The following TMC2 variants were observed in gnomAD, a reference collection of about 807,000 sequenced individuals.
The protein encoded by TMC2 is transmembrane channel-like protein 2.
A neutral mutation model predicts 105.9 loss-of-function variants in TMC2; 102 were observed. That is an observed-to-expected ratio of 0.96 (90% confidence interval 0.82 to 1.14). The LOEUF is 1.14. Among genes scored for constraint, TMC2 ranks in the 50% most tolerant of loss-of-function variants. The pLI is 0.00. For missense variants in TMC2, 1,093 were observed against 1,134.3 expected (o/e 0.96, Z 0.52); for synonymous variants, 402 against 422.8 (o/e 0.95, Z 0.60).
chr20:2,613,544 C>T (rs10485601), intron 14 of TMC2: 83,234 of 551,424 alleles, frequency 0.15, 7,061 homozygotes, highest in Middle Eastern at 0.23. Flanking sequence ...ATGTGACCTT[C>T]TATTCTAGGA....
intron 18 of TMC2, among the ~76,000 whole-genome samples, chr20:2,636,459 TACACACACACACAC>T (rs3051763): frequency 2.9e-4 from 42 of 143,524 alleles, no homozygotes; most frequent in Admixed American, 6.3e-4. Flanking sequence ...GACTGCTGTC[TACACACACACACAC>T]ACACACACAC....
chr20:2,575,351 A>G (rs774523676), intron 5 of TMC2, among the ~76,000 whole-genome samples: 5 of 152,156 alleles, frequency 3.3e-5, no homozygotes, highest in Non-Finnish European at 7.3e-5. Context: ...TTTACTACAC[A>G]TTTTTCAAAC....
intron 2 of TMC2, among the ~76,000 whole-genome samples, chr20:2,540,944 C>G (rs1249803131): frequency 2.6e-5 from 4 of 152,124 alleles, no homozygotes; most frequent in African/African-American, 9.7e-5. Flanking sequence ...CTCCTCCTGC[C>G]TCCCACACCA....
At chr20:2,542,393 A>T (rs1430220309) in intron 2 of TMC2, among the ~76,000 whole-genome samples, 1 of 152,192 alleles carries the variant, frequency 6.6e-6, no homozygotes, top group East Asian at 1.9e-4. Flanking sequence ...TTAAGCAGGT[A>T]AGAGTCTTCT....
intron 4 of TMC2, among the ~76,000 whole-genome samples, chr20:2,570,736 T>C (rs895091831): frequency 2.6e-5 from 4 of 152,012 alleles, no homozygotes; most frequent in African/African-American, 9.7e-5. Flanking sequence ...ATCACATTAC[T>C]CAACTTCAAA....
chr20:2,641,646 G>T lies in TMC2; in HGVS notation c.*295G>T. ...CTCACAGTGGTCGACCTTGCCTCCC[G>T]ATTTTCGGAGTTGGGGAAGGGCCAT... On this transcript the variant is annotated 3_prime_UTR_variant, in exon 20 of 20. Coordinates refer to ENST00000358864, the MANE Select transcript of TMC2 (RefSeq NM_080751.3). The T allele has an allele frequency of 1.2e-5, 4 of 325,542 alleles. No individual in the cohort carries two copies. In the South Asian group the frequency reaches 1.7e-4, roughly 14 times the overall value. 20.2% of individuals were successfully genotyped at this position (325,542 alleles called of 1,614,324 possible).
At chr20:2,638,658 C>G (rs749313548) in intron 19 of TMC2, among the ~76,000 whole-genome samples, 2 of 152,058 alleles carry the variant, frequency 1.3e-5, no homozygotes, top group Admixed American at 1.3e-4. Flanking sequence ...TATTGATGAT[C>G]CCAACCCTTT....
At chr20:2,595,106 T>C in intron 9 of TMC2, 139 bp downstream of exon 9, 1 of 978,992 alleles carries the variant, frequency 1.0e-6, no homozygotes, top group East Asian at 2.4e-5. Flanking sequence ...ATGCACATTA[T>C]AATTTGTGGT....
intron 17 of TMC2, among the ~76,000 whole-genome samples, chr20:2,625,253 A>T (rs2086555929): frequency 6.6e-6 from 1 of 152,224 alleles, no homozygotes; most frequent in Admixed American, 6.5e-5. Flanking sequence ...CATACAAATG[A>T]GTACAGACAA....
At chr20:2,639,398 T>A (rs2086672418) in intron 19 of TMC2, among the ~76,000 whole-genome samples, 1 of 152,222 alleles carries the variant, frequency 6.6e-6, no homozygotes, top group African/African-American at 2.4e-5. Flanking sequence ...ATACTCTACC[T>A]TTTCTATGTT....
At chr20:2,633,147 T>G (rs1295622224) in intron 17 of TMC2, among the ~76,000 whole-genome samples, 1 of 152,226 alleles carries the variant, frequency 6.6e-6, no homozygotes, top group Non-Finnish European at 1.5e-5. Context: ...CTTACATGTC[T>G]GGAACCAGTA....
At chr20:2,566,411 A>G (rs551186780) in intron 4 of TMC2, among the ~76,000 whole-genome samples, 64 of 152,358 alleles carry the variant, frequency 4.2e-4, no homozygotes, top group African/African-American at 1.5e-3. Flanking sequence ...AAGCATGTGG[A>G]CATCATCAAT....
chr20:2,575,457 T>C (rs2086137315), intron 5 of TMC2, among the ~76,000 whole-genome samples: 1 of 152,260 alleles, frequency 6.6e-6, no homozygotes, highest in Admixed American at 6.5e-5. Flanking sequence ...TTTTTAACTT[T>C]GTGCTAATCT....
At position 2,637,488 on chromosome 20, in the gene TMC2, G is replaced by GCC. The variant is rs1331606729; in HGVS notation, c.2400_2401insCC (p.Lys801ProfsTer7). The GCC allele has an allele frequency of 6.2e-7, 1 of 1,613,054 alleles. No homozygotes were observed. Among genetic ancestry groups the GCC allele is most frequent in the East Asian group, 2.2e-5 (1 of 44,880 alleles). On this transcript the variant is annotated frameshift_variant, in exon 19 of 20. Coordinates refer to ENST00000358864, the MANE Select transcript of TMC2 (RefSeq NM_080751.3). LOFTEE classifies it high-confidence loss of function. ...ATTTCCTGCAGCTCCGTGAAGTTGA[G>GCC]AAGAGTCACAAATCTGTAAAAGGCA...
chr20:2,578,414 A>G (rs1000519660), intron 5 of TMC2, among the ~76,000 whole-genome samples: 1 of 152,190 alleles, frequency 6.6e-6, no homozygotes, highest in Admixed American at 6.5e-5. Context: ...TCAGCTTTCT[A>G]TGAGTATCTG....
intron 5 of TMC2, among the ~76,000 whole-genome samples, chr20:2,572,662 G>C (rs2086112467): frequency 1.3e-5 from 2 of 152,140 alleles, no homozygotes; most frequent in Non-Finnish European, 2.9e-5. Context: ...ACGGATGGGG[G>C]CAGCTCTGTT....
rs757178593 is a variant in TMC2, at chr20:2,602,188, A to G, written c.1300A>G (p.Asn434Asp). The part of the protein sequence containing the change: ...HLTRFLRVLA[N>D]FLIICCLCGS... The stretch of plus-strand genomic sequence containing the variant: ...GACAAGATTTCTTCGTGTCCTGGCC[A>G]ACTTTCTCATCATCTGCTGTTTGTG... Residue 434 changes from asparagine (N) to aspartate (D), a missense_variant, in exon 11 of 20, where the codon AAC (asparagine) becomes GAC (aspartate). Coordinates refer to ENST00000358864, the MANE Select transcript of TMC2 (RefSeq NM_080751.3). The G allele has an allele frequency of 6.2e-7, 1 of 1,613,746 alleles. No homozygotes were observed. The highest frequency in any genetic ancestry group is 1.7e-5 in the Admixed American group (1 of 59,962).
At chr20:2,543,622 T>C (rs1387710863) in intron 2 of TMC2, among the ~76,000 whole-genome samples, 2 of 152,100 alleles carry the variant, frequency 1.3e-5, no homozygotes, top group African/African-American at 4.8e-5. Context: ...CCTAGAAAAA[T>C]AAAGACATGC....
At chr20:2,597,023 G>A (rs1600120541) in intron 9 of TMC2, 128 bp from the exon 10 acceptor site, 2 of 1,026,984 alleles carry the variant, frequency 1.9e-6, no homozygotes, top group African/African-American at 1.6e-5. Context: ...TGCCTGGCTT[G>A]TTTTGTCACT....
Sources: allele counts gnomAD v4.1 joint callset (sites outside exome capture counted in the v4.1 genomes callset), GRCh38; gene constraint gnomAD v4.1.1; transcripts MANE v1.5; gene names NCBI Gene and HGNC (gene_info 2026-07-23, HGNC 2026-07-21).